GRID1: variants seen among roughly 807,000 people sequenced by gnomAD.
The protein encoded by GRID1 is glutamate ionotropic receptor delta type subunit 1, also known as glutamate receptor ionotropic, delta-1.
A neutral mutation model predicts 98.0 loss-of-function variants in GRID1; 28 were observed. That is an observed-to-expected ratio of 0.29 (90% CI 0.21 to 0.39). GRID1 has a LOEUF of 0.39. GRID1 is among the 10% of genes least tolerant of loss of function. The probability of loss-of-function intolerance (pLI) is 1.00; values close to 1 mark genes in which losing one functional copy is unlikely to be tolerated. For missense variants in GRID1, 1,111 were observed against 1,340.5 expected (o/e 0.83, Z 2.67); for synonymous variants, 553 against 538.5 (o/e 1.03, Z -0.37).
intron 3 of GRID1, among the ~76,000 whole-genome samples, chr10:86,176,579 G>C (rs1845578982): frequency 6.6e-6 from 1 of 152,210 alleles, no homozygotes; most frequent in African/African-American, 2.4e-5. Context: ...TGCAAAAGAA[G>C]GGAGGGGCCA....
chr10:85,881,429 G>T (rs574346929), intron 5 of GRID1, among the ~76,000 whole-genome samples: 1,827 of 152,000 alleles, frequency 0.012, 28 homozygotes, highest in Admixed American at 0.036. Context: ...AACAGAGATA[G>T]CGATCAATGG....
At chr10:86,167,802 G>A (rs918208607) in intron 3 of GRID1, among the ~76,000 whole-genome samples, 28 of 152,144 alleles carry the variant, frequency 1.8e-4, no homozygotes, top group Admixed American at 4.6e-4. Context: ...GACTCAGCTC[G>A]GGCAGCTACC....
chr10:85,811,342 A>G (rs1384926098), intron 8 of GRID1, among the ~76,000 whole-genome samples: 5 of 152,214 alleles, frequency 3.3e-5, no homozygotes, highest in Non-Finnish European at 5.9e-5. Flanking sequence ...AAGCAAGGAA[A>G]CATGACACCT....
At chr10:86,203,303 G>C (rs544916749) in intron 3 of GRID1, among the ~76,000 whole-genome samples, 1 of 152,110 alleles carries the variant, frequency 6.6e-6, no homozygotes, top group Non-Finnish European at 1.5e-5. Context: ...CAGAGGCACC[G>C]TTTGTCTTGG....
rs181427653 is a variant in GRID1 at position 85,982,708 on chromosome 10, T to C, written c.727-66469A>G. Among the ~76,000 whole-genome samples the C allele has an allele frequency of 5.3e-5, 8 of 152,302 alleles. No homozygotes were observed. The East Asian group carries it at 1.5e-3, about 29-fold the overall frequency. Reference sequence around the variant, plus strand: ...CAGTAGGAGCATAACAGATAATGTATGCAAAAAGCTGTGCACAGCACCTGA... The same window carrying C: ...CAGTAGGAGCATAACAGATAATGTACGCAAAAAGCTGTGCACAGCACCTGA... On this transcript the variant is annotated intron_variant, in intron 4 of 15. Transcript: ENST00000327946.
At chr10:85,773,670 A>T (rs1842297703) in intron 8 of GRID1, among the ~76,000 whole-genome samples, 2 of 152,258 alleles carry the variant, frequency 1.3e-5, no homozygotes, top group East Asian at 1.9e-4. Context: ...AGCATTCTTA[A>T]ATACCAATAA....
chr10:85,698,739 G>A (rs1002875740), intron 12 of GRID1, among the ~76,000 whole-genome samples: 10 of 152,170 alleles, frequency 6.6e-5, no homozygotes, highest in East Asian at 1.9e-4. Flanking sequence ...AAGAAACTGC[G>A]AACTGTCTGC....
At chr10:86,078,537 A>G (rs1178464030) in intron 4 of GRID1, among the ~76,000 whole-genome samples, 3 of 152,202 alleles carry the variant, frequency 2.0e-5, no homozygotes, top group Non-Finnish European at 4.4e-5. Flanking sequence ...CCTGGGACTC[A>G]TACCTTCTTT....
intron 8 of GRID1, among the ~76,000 whole-genome samples, chr10:85,831,835 G>A (rs1842870020): frequency 6.6e-6 from 1 of 151,798 alleles, no homozygotes; most frequent in Non-Finnish European, 1.5e-5. Flanking sequence ...TAAATTCATA[G>A]CTTTAAATGA....
chr10:85,878,577 T>C (rs986877066), intron 5 of GRID1, among the ~76,000 whole-genome samples: 2 of 151,686 alleles, frequency 1.3e-5, no homozygotes, highest in African/African-American at 2.4e-5. Flanking sequence ...TGCTGAGAGA[T>C]TTTGTCACCA....
intron 4 of GRID1, among the ~76,000 whole-genome samples, chr10:86,134,239 CT>C (rs1844881120): frequency 6.6e-6 from 1 of 152,256 alleles, no homozygotes; most frequent in Non-Finnish European, 1.5e-5. Flanking sequence ...GGAGGAGGCA[CT>C]GCCTCTGAAT....
chr10:86,121,385 C>A (rs1844664548), intron 4 of GRID1, among the ~76,000 whole-genome samples: 1 of 149,616 alleles, frequency 6.7e-6, no homozygotes, highest in African/African-American at 2.5e-5. Context: ...ATCTCACCAT[C>A]ATTTATCTCC....
chr10:86,326,449 G>A (rs536050282), intron 2 of GRID1, among the ~76,000 whole-genome samples: 2 of 152,210 alleles, frequency 1.3e-5, no homozygotes, highest in Admixed American at 6.5e-5. Flanking sequence ...TCAAATGTAT[G>A]AAAGTTTGAA....
intron 2 of GRID1, among the ~76,000 whole-genome samples, chr10:86,223,770 C>T (rs1338353587): frequency 6.6e-6 from 1 of 152,232 alleles, no homozygotes; most frequent in Non-Finnish European, 1.5e-5. Context: ...CAAGTGACAA[C>T]TGCATGCTGT....
intron 4 of GRID1, among the ~76,000 whole-genome samples, chr10:85,946,684 G>T (rs2131841255): frequency 6.6e-6 from 1 of 152,296 alleles, no homozygotes; most frequent in South Asian, 2.1e-4. Flanking sequence ...GATTGCGGGG[G>T]GAAGAATCCC....
At chr10:86,338,364 C>T (rs547189375) in intron 2 of GRID1, among the ~76,000 whole-genome samples, 1 of 152,234 alleles carries the variant, frequency 6.6e-6, no homozygotes, top group Non-Finnish European at 1.5e-5. Flanking sequence ...TAGTGGATGA[C>T]GTGGAAGGAG....
At chr10:85,716,995 T>C (rs1449096774) in intron 12 of GRID1, among the ~76,000 whole-genome samples, 1 of 151,936 alleles carries the variant, frequency 6.6e-6, no homozygotes, top group East Asian at 1.9e-4. Flanking sequence ...TGTCAAAGAG[T>C]ACAGAATTTC....
intron 2 of GRID1, among the ~76,000 whole-genome samples, chr10:86,268,906 G>C (rs1163290817): frequency 6.6e-6 from 1 of 152,002 alleles, no homozygotes; most frequent in Non-Finnish European, 1.5e-5. Context: ...CAGGAGGCTT[G>C]CTTGACCTGT....
intron 6 of GRID1, among the ~76,000 whole-genome samples, chr10:85,862,721 G>T (rs1167367850): frequency 6.6e-6 from 1 of 152,076 alleles, no homozygotes; most frequent in African/African-American, 2.4e-5. Context: ...GACCAGGGAT[G>T]GAAAAATAGA....
Sources: gnomAD v4.1 joint callset for allele counts (sites outside exome capture counted in the v4.1 genomes callset) on GRCh38, gnomAD v4.1.1 for gene constraint, MANE v1.5 for transcripts, NCBI Gene and HGNC (gene_info 2026-07-23, HGNC 2026-07-21) for gene names.